Variants in NXPH1 observed in about 807,000 individuals in gnomAD.
NXPH1 encodes neurexophilin-1.
Under a neutral mutation model 23.7 loss-of-function variants are expected in NXPH1, and 5 were observed. That is an observed-to-expected ratio of 0.21 (90% CI 0.11 to 0.44). NXPH1 has a LOEUF of 0.44. NXPH1 is among the 20% of genes least tolerant of loss of function. The pLI, the probability that NXPH1 is intolerant of heterozygous loss-of-function variation, is 0.99. For synonymous variants in NXPH1, 144 were observed against 122.2 expected (o/e 1.18, Z -1.18); for missense variants, 324 against 321.6 (o/e 1.01, Z -0.06).
chr7:8,732,270 C>T (rs1780171094), intron 2 of NXPH1, among the ~76,000 whole-genome samples: 1 of 152,216 alleles, frequency 6.6e-6, no homozygotes. Context: ...GAACCCGGTA[C>T]CTCAGATGGA....
chr7:8,695,906 C>T, intron 2 of NXPH1, among the ~76,000 whole-genome samples: 1 of 152,120 alleles, frequency 6.6e-6, no homozygotes, highest in South Asian at 2.1e-4. Context: ...TGTATTGTTT[C>T]TTAATTTCTT....
intron 2 of NXPH1, among the ~76,000 whole-genome samples, chr7:8,599,236 A>T (rs1424305617): frequency 6.6e-6 from 1 of 152,060 alleles, no homozygotes; most frequent in Non-Finnish European, 1.5e-5. Flanking sequence ...AGTGAGAAGG[A>T]TAGTTATAGG....
intron 2 of NXPH1, among the ~76,000 whole-genome samples, chr7:8,623,054 G>T (rs1819907956): frequency 6.6e-6 from 1 of 152,166 alleles, no homozygotes. Context: ...TATGTGGTGT[G>T]CTCCAGGGAG....
chr7:8,580,643 A>T (rs544274623), intron 2 of NXPH1, among the ~76,000 whole-genome samples: 1 of 152,262 alleles, frequency 6.6e-6, no homozygotes, highest in African/African-American at 2.4e-5. Flanking sequence ...AAACCTCTGG[A>T]GAGCTTAGAA....
intron 2 of NXPH1, among the ~76,000 whole-genome samples, chr7:8,597,246 C>G (rs1156693945): frequency 6.6e-6 from 1 of 151,950 alleles, no homozygotes; most frequent in Non-Finnish European, 1.5e-5. Flanking sequence ...GTCTTTTCAG[C>G]CAGAGTACGA....
At chr7:8,634,685 T>G (rs1159586566) in intron 2 of NXPH1, among the ~76,000 whole-genome samples, 4 of 146,046 alleles carry the variant, frequency 2.7e-5, no homozygotes, top group African/African-American at 7.6e-5. Flanking sequence ...TTTTTTTTTT[T>G]TTTTTTTTTT....
intron 2 of NXPH1, among the ~76,000 whole-genome samples, chr7:8,624,773 G>A (rs892965511): frequency 2.0e-5 from 3 of 152,158 alleles, no homozygotes; most frequent in South Asian, 2.1e-4. Context: ...TCAGACTAAA[G>A]GTTTGGTGGA....
intron 2 of NXPH1, among the ~76,000 whole-genome samples, chr7:8,453,124 T>C (rs1816534905): frequency 6.6e-6 from 1 of 152,108 alleles, no homozygotes; most frequent in Admixed American, 6.6e-5. Context: ...CAAAGATACT[T>C]TTTTATTTTT....
chr7:8,560,611 AG>A (rs1431142680), intron 2 of NXPH1, among the ~76,000 whole-genome samples: 2 of 151,646 alleles, frequency 1.3e-5, no homozygotes, highest in East Asian at 3.9e-4. Context: ...AAATCAAGGA[AG>A]GGGGAGAGTG....
At chr7:8,487,216 T>C (rs1307790507) in intron 2 of NXPH1, among the ~76,000 whole-genome samples, 7 of 152,166 alleles carry the variant, frequency 4.6e-5, no homozygotes, top group African/African-American at 4.8e-5. Flanking sequence ...ATTAGTGATA[T>C]GGTTTGGCTG....
chr7:8,466,567 C>T (rs1316213656), intron 2 of NXPH1, among the ~76,000 whole-genome samples: 2 of 152,040 alleles, frequency 1.3e-5, no homozygotes, highest in Non-Finnish European at 2.9e-5. Flanking sequence ...AGCCTCACAC[C>T]TAGATAAAGA....
At chr7:8,647,420 C>A (rs1480941920) in intron 2 of NXPH1, among the ~76,000 whole-genome samples, 1 of 152,096 alleles carries the variant, frequency 6.6e-6, no homozygotes, top group Non-Finnish European at 1.5e-5. Context: ...CATGGTCACA[C>A]GATTGCATTT....
chr7:8,671,203 T>A (rs1018869687), intron 2 of NXPH1, among the ~76,000 whole-genome samples: 1 of 152,206 alleles, frequency 6.6e-6, no homozygotes, highest in Non-Finnish European at 1.5e-5. Context: ...CAGTTTTATT[T>A]CTATGTGAAA....
At chr7:8,468,002 A>T (rs779030533) in intron 2 of NXPH1, among the ~76,000 whole-genome samples, 4 of 152,118 alleles carry the variant, frequency 2.6e-5, no homozygotes, top group Non-Finnish European at 5.9e-5. Context: ...TTGAGCATTT[A>T]GTTGTGAGAT....
rs570164963 is a variant in NXPH1 at position 8,699,449 on chromosome 7, A to G, written c.55-51559A>G. Among the ~76,000 whole-genome samples the G allele has an allele frequency of 2.6e-4, 40 of 152,230 alleles. 1 individual carries two copies. The highest frequency in any genetic ancestry group is 9.6e-4 in the African/African-American group (40 of 41,572). On this transcript the variant is annotated intron_variant, in intron 2 of 2. Transcript: ENST00000405863. Reference sequence around the variant, plus strand: ...TGTTTTATCTCATCAAGTACCAACAATATTATTATTCTGCAGAAGAATAGC... The same window carrying G: ...TGTTTTATCTCATCAAGTACCAACAGTATTATTATTCTGCAGAAGAATAGC...
chr7:8,550,905 G>A (rs1340351939), intron 2 of NXPH1, among the ~76,000 whole-genome samples: 1 of 151,456 alleles, frequency 6.6e-6, no homozygotes, highest in Non-Finnish European at 1.5e-5. Context: ...CAATTAGATT[G>A]TATACAGATG....
chr7:8,482,724 A>G (rs1252577183), intron 2 of NXPH1, among the ~76,000 whole-genome samples: 4 of 152,096 alleles, frequency 2.6e-5, no homozygotes, highest in Non-Finnish European at 5.9e-5. Flanking sequence ...ACTATGGTCA[A>G]TCAATCAGTT....
chr7:8,519,834 A>G (rs1036964872), intron 2 of NXPH1, among the ~76,000 whole-genome samples: 1 of 152,202 alleles, frequency 6.6e-6, no homozygotes, highest in Non-Finnish European at 1.5e-5. Context: ...ATATATTTAT[A>G]CACATGTATA....
At chr7:8,662,222 C>G (rs1329249277) in intron 2 of NXPH1, among the ~76,000 whole-genome samples, 1 of 151,248 alleles carries the variant, frequency 6.6e-6, no homozygotes, top group Admixed American at 6.6e-5. Context: ...ACATGTATCT[C>G]AAGAAGAGAT....
Sources: allele counts gnomAD v4.1 joint callset (sites outside exome capture counted in the v4.1 genomes callset), GRCh38; gene constraint gnomAD v4.1.1; transcripts MANE v1.5; gene names NCBI Gene and HGNC (gene_info 2026-07-23, HGNC 2026-07-21).